The following CDIN1 variants were observed in gnomAD, a reference collection of about 807,000 sequenced individuals.
The protein encoded by CDIN1 is CDAN1-interacting nuclease 1.
A neutral mutation model predicts 45.3 loss-of-function variants in CDIN1; 33 were observed. That is an observed-to-expected ratio of 0.73 (90% CI 0.55 to 0.97). The LOEUF is 0.97. Ranked by LOEUF, CDIN1 falls within the 50% of genes least tolerant of loss-of-function variation. CDIN1 has a pLI of 0.00. For missense variants in CDIN1, 303 were observed against 339.4 expected (o/e 0.89, Z 0.84); for synonymous variants, 118 against 124.4 (o/e 0.95, Z 0.34).
chr15:36,611,094 C>G (rs763166171), intron 1 of CDIN1, among the ~76,000 whole-genome samples: 1 of 152,186 alleles, frequency 6.6e-6, no homozygotes, highest in Admixed American at 6.5e-5. Flanking sequence ...TCATTTTTAA[C>G]AAGTTATTTG....
intron 10 of CDIN1, among the ~76,000 whole-genome samples, chr15:36,726,661 GC>G (rs1379073209): frequency 6.6e-6 from 1 of 152,188 alleles, no homozygotes; most frequent in Non-Finnish European, 1.5e-5. Flanking sequence ...ACTCAAGTGG[GC>G]AGATAGTTTC....
chr15:36,650,935 C>T (rs764541311), intron 3 of CDIN1, among the ~76,000 whole-genome samples: 16 of 151,992 alleles, frequency 1.1e-4, no homozygotes, highest in Non-Finnish European at 1.3e-4. Flanking sequence ...TGGTGGCACG[C>T]TCCTGTAGTC....
intron 1 of CDIN1, chr15:36,641,880 T>G (rs1383457971): frequency 6.6e-6 from 1 of 152,254 alleles, no homozygotes; most frequent in South Asian, 2.1e-4. Context: ...AATGTTGGAC[T>G]GTGATGTTTA....
At chr15:36,703,170 A>G (rs1296546440) in intron 8 of CDIN1, among the ~76,000 whole-genome samples, 1 of 131,262 alleles carries the variant, frequency 7.6e-6, no homozygotes, top group South Asian at 2.6e-4. Context: ...GTGAGCCATG[A>G]TGGCACCTCT....
At chr15:36,616,797 T>C (rs562385659) in intron 1 of CDIN1, among the ~76,000 whole-genome samples, 4 of 152,000 alleles carry the variant, frequency 2.6e-5, no homozygotes, top group East Asian at 2.0e-4. Flanking sequence ...TGGTGGCGCA[T>C]GCCTGTAATC....
At chr15:36,599,707 G>T (rs986266995) in intron 1 of CDIN1, among the ~76,000 whole-genome samples, 6 of 152,102 alleles carry the variant, frequency 3.9e-5, no homozygotes, top group African/African-American at 1.4e-4. Flanking sequence ...TGTGGGTTGG[G>T]GCAGGGATAA....
At chr15:36,627,481 C>T (rs1238547683) in intron 1 of CDIN1, 2 of 157,122 alleles carry the variant, frequency 1.3e-5, no homozygotes, top group African/African-American at 2.4e-5. Context: ...GCTGTAGTTT[C>T]TTGTGGCCAG....
At chr15:36,764,779 C>T (rs2053867577) in intron 10 of CDIN1, among the ~76,000 whole-genome samples, 2 of 152,170 alleles carry the variant, frequency 1.3e-5, no homozygotes, top group South Asian at 2.1e-4. Flanking sequence ...CCATGGGGCT[C>T]ATTTCTGGCC....
intron 4 of CDIN1, among the ~76,000 whole-genome samples, chr15:36,654,457 A>G (rs182553040): frequency 2.6e-4 from 38 of 147,772 alleles, no homozygotes; most frequent in African/African-American, 9.1e-4. Flanking sequence ...TTTTCTTAGG[A>G]TAGGTTGTCT....
In CDIN1 at chr15:36,808,759, T is replaced by C. The variant is rs933156421; in HGVS notation, c.*306T>C. 3.5e-5 allele frequency: 16 copies of C among 461,394 alleles called. No individual in the cohort carries two copies. The highest frequency in any genetic ancestry group is 6.7e-5 in the Non-Finnish European group (16 of 239,086). The allele number at this position is 461,394 out of a possible 1,614,324, so 28.6% of individuals were successfully genotyped here. On this transcript the variant is annotated 3_prime_UTR_variant, in exon 11 of 11. Coordinates refer to ENST00000566621, the MANE Select transcript of CDIN1 (RefSeq NM_001321759.2). Reference sequence around the variant, plus strand: ...TTCTTCCGGATGGTTTATCCTTGTATGCTGAACAAAAGAAAAAATGTGAAG... The same window carrying C: ...TTCTTCCGGATGGTTTATCCTTGTACGCTGAACAAAAGAAAAAATGTGAAG...
intron 5 of CDIN1, among the ~76,000 whole-genome samples, chr15:36,690,955 G>A (rs2042226803): frequency 6.6e-6 from 1 of 152,112 alleles, no homozygotes; most frequent in African/African-American, 2.4e-5. Flanking sequence ...ACCTTCATCA[G>A]ATGCCTCCCT....
intron 10 of CDIN1, among the ~76,000 whole-genome samples, chr15:36,717,083 T>C (rs1359391451): frequency 6.6e-6 from 1 of 152,232 alleles, no homozygotes; most frequent in Non-Finnish European, 1.5e-5. Context: ...ATACAAGTTT[T>C]AGATATTCAC....
chr15:36,660,848 C>G (rs896506386), intron 5 of CDIN1, among the ~76,000 whole-genome samples: 77 of 152,316 alleles, frequency 5.1e-4, no homozygotes, highest in African/African-American at 1.8e-3. Context: ...ATGATTATTA[C>G]TACATAAAGC....
intron 10 of CDIN1, among the ~76,000 whole-genome samples, chr15:36,745,987 A>T (rs1308362736): frequency 1.3e-5 from 2 of 152,150 alleles, no homozygotes; most frequent in African/African-American, 4.8e-5. Context: ...AATACTACTT[A>T]TGAAAAATTG....
intron 10 of CDIN1, among the ~76,000 whole-genome samples, chr15:36,713,675 C>T (rs1161179505): frequency 6.6e-6 from 1 of 152,072 alleles, no homozygotes; most frequent in African/African-American, 2.4e-5. Flanking sequence ...TATTAGTTCC[C>T]CTCTGCCTGT....
At chr15:36,596,149 A>C (rs2037819507) in intron 1 of CDIN1, among the ~76,000 whole-genome samples, 1 of 151,296 alleles carries the variant, frequency 6.6e-6, no homozygotes. Context: ...AAATATATTT[A>C]GTAGAGTCAG....
chr15:36,665,954 T>C (rs956022026), intron 5 of CDIN1, among the ~76,000 whole-genome samples: 2 of 152,184 alleles, frequency 1.3e-5, no homozygotes, highest in African/African-American at 4.8e-5. Flanking sequence ...GTATGGGATA[T>C]TGACTTGACG....
At chr15:36,614,936 A>T (rs1291401712) in intron 1 of CDIN1, among the ~76,000 whole-genome samples, 1 of 152,230 alleles carries the variant, frequency 6.6e-6, no homozygotes, top group East Asian at 1.9e-4. Flanking sequence ...AGAATGGATC[A>T]TGTCCCCCCT....
At chr15:36,774,088 C>T (rs976823467) in intron 10 of CDIN1, among the ~76,000 whole-genome samples, 5 of 152,036 alleles carry the variant, frequency 3.3e-5, no homozygotes, top group African/African-American at 9.6e-5. Context: ...AGTTTAGGGC[C>T]GCCTTCCCAC....
Sources: gnomAD v4.1 joint callset for allele counts (sites outside exome capture counted in the v4.1 genomes callset) on GRCh38, gnomAD v4.1.1 for gene constraint, MANE v1.5 for transcripts, NCBI Gene and HGNC (gene_info 2026-07-23, HGNC 2026-07-21) for gene names.